The following KLF9 variants were observed in gnomAD, a reference collection of about 807,000 sequenced individuals.
KLF9 encodes the protein KLF transcription factor 9.
Under a neutral mutation model 17.3 loss-of-function variants are expected in KLF9, and 2 were observed. That is an observed-to-expected ratio of 0.12 (90% confidence interval 0.05 to 0.36). The LOEUF (loss-of-function observed/expected upper bound fraction) is 0.36, where lower values mean the gene tolerates loss of function less well. Ranked by LOEUF, KLF9 falls within the 10% of genes least tolerant of loss-of-function variation. The pLI, the probability that KLF9 is intolerant of heterozygous loss-of-function variation, is 1.00. For missense variants in KLF9, 226 were observed against 333.2 expected, an observed-to-expected ratio of 0.68 and a Z score of 2.51; for synonymous variants, 138 against 139.2, an observed-to-expected ratio of 0.99 and a Z score of 0.06.
At chr9:70,399,123 C>T (rs1342217954) in intron 1 of KLF9, among the ~76,000 whole-genome samples, 2 of 152,224 alleles carry the variant, frequency 1.3e-5, no homozygotes, top group East Asian at 1.9e-4. Context: ...CCGTGAGACA[C>T]TGCACCTGGC....
Position 70,412,995 on chromosome 9 carries a change from C to G in KLF9, c.369G>C (p.Pro123=), listed in dbSNP as rs779172193. 2.5e-6 allele frequency: 4 copies of G among 1,614,116 alleles called. No homozygotes were observed. The South Asian group carries it at 3.3e-5, about 13-fold the overall frequency. The change falls in exon 1 of 2, where the codon CCG becomes CCC. Residue 123 remains proline (P), a synonymous_variant. Transcript: ENST00000377126. ...CCACTCCAGGATGGAGGAGGGAGAG[C>G]GGGCTGGGCGCGCTGCCAGGATCCT... The part of the protein sequence containing the change: ...ERQDPGSAPS[P]LSLLHPGVAA...
Position 70,414,486 on chromosome 9 carries a change from A to G in KLF9, c.-1123T>C, listed in dbSNP as rs987971284. On this transcript the variant is annotated 5_prime_UTR_variant, in exon 1 of 2. Coordinates refer to ENST00000377126, the MANE Select transcript of KLF9 (RefSeq NM_001206.4). The stretch of plus-strand genomic sequence containing the variant: ...CCGAAAGCAAGCGCTCGACACTTGT[A>G]AACGCGAAGAGCTGTAGTGAAACTG... The G allele has an allele frequency of 2.0e-5, 3 of 152,252 alleles. No homozygotes were observed. The highest frequency in any genetic ancestry group is 3.2e-3 in the Middle Eastern group (1 of 316). The allele number at this position is 152,252 out of a possible 1,614,324, so 9.4% of individuals were successfully genotyped here. A position where few individuals can be genotyped will look rare whatever the true frequency, so the allele number is the denominator to read the frequency against.
chr9:70,395,579 G>A (rs190155939), intron 1 of KLF9, among the ~76,000 whole-genome samples: 135 of 152,254 alleles, frequency 8.9e-4, no homozygotes, highest in Middle Eastern at 6.8e-3. Flanking sequence ...ACACAGAAAG[G>A]ACTTGCAAAT....
intron 1 of KLF9, among the ~76,000 whole-genome samples, chr9:70,400,711 G>A (rs11795117): frequency 0.026 from 3,909 of 152,212 alleles, 94 homozygotes; most frequent in African/African-American, 0.065. Context: ...TTTTCCCTCT[G>A]GGCTCAACCT....
intron 1 of KLF9, among the ~76,000 whole-genome samples, chr9:70,397,348 G>A (rs564024372): frequency 1.3e-5 from 2 of 152,174 alleles, no homozygotes; most frequent in African/African-American, 2.4e-5. Context: ...GGTGGCACAT[G>A]CCTGTAATCC....
At chr9:70,409,949 C>A (rs986135356) in intron 1 of KLF9, among the ~76,000 whole-genome samples, 1 of 152,208 alleles carries the variant, frequency 6.6e-6, no homozygotes, top group Non-Finnish European at 1.5e-5. Context: ...CAGGACCCAG[C>A]ATTTCTCAAG....
chr9:70,394,092 G>A (rs1362002276), intron 1 of KLF9, among the ~76,000 whole-genome samples: 1 of 149,142 alleles, frequency 6.7e-6, no homozygotes, highest in Non-Finnish European at 1.5e-5. Context: ...ATAGATAAAA[G>A]AAGAATTTGG....
intron 1 of KLF9, among the ~76,000 whole-genome samples, chr9:70,403,530 A>G (rs2118920902): frequency 6.6e-6 from 1 of 152,248 alleles, no homozygotes; most frequent in South Asian, 2.1e-4. Context: ...TCTCACCACT[A>G]TTTGGAGACA....
chr9:70,399,345 C>A (rs1389697118), intron 1 of KLF9, among the ~76,000 whole-genome samples: 1 of 152,210 alleles, frequency 6.6e-6, no homozygotes, highest in Non-Finnish European at 1.5e-5. Context: ...GATGATGCAA[C>A]CTCCCCACAA....
chr9:70,409,067 TATGTGTATATATATACAC>T (rs1214669593), intron 1 of KLF9, among the ~76,000 whole-genome samples: 64 of 104,670 alleles, frequency 6.1e-4, no homozygotes, highest in Admixed American at 4.3e-3. Flanking sequence ...TGTGTATATA[TATGTGTATATATATACAC>T]ATATATGTAT....
intron 1 of KLF9, among the ~76,000 whole-genome samples, chr9:70,408,229 G>T (rs1240247346): frequency 1.3e-5 from 2 of 152,126 alleles, no homozygotes; most frequent in Non-Finnish European, 2.9e-5. Context: ...CAAAAAATTA[G>T]CCGAGTGTGG....
intron 1 of KLF9, among the ~76,000 whole-genome samples, chr9:70,389,606 G>A (rs1187518879): frequency 6.6e-6 from 1 of 152,164 alleles, no homozygotes; most frequent in Non-Finnish European, 1.5e-5. Flanking sequence ...AGTCCTGCCT[G>A]CCAGATGTTA....
At chr9:70,411,607 A>G (rs905918856) in intron 1 of KLF9, among the ~76,000 whole-genome samples, 2 of 152,226 alleles carry the variant, frequency 1.3e-5, no homozygotes, top group Non-Finnish European at 2.9e-5. Flanking sequence ...AATGAGAAGC[A>G]GTTACGTGGC....
At chr9:70,401,686 CAAAAAA>C (rs34988097) in intron 1 of KLF9, among the ~76,000 whole-genome samples, 2 of 66,510 alleles carry the variant, frequency 3.0e-5, no homozygotes, top group Non-Finnish European at 3.0e-5. Flanking sequence ...GACTCCTTCA[CAAAAAA>C]AAAAAAAAAA....
chr9:70,400,248 G>A (rs760103926), intron 1 of KLF9, among the ~76,000 whole-genome samples: 3 of 152,174 alleles, frequency 2.0e-5, no homozygotes, highest in Non-Finnish European at 4.4e-5. Context: ...ATCCACAGGA[G>A]GACTGGGTCA....
intron 1 of KLF9, among the ~76,000 whole-genome samples, chr9:70,390,264 A>C (rs1166594534): frequency 6.6e-6 from 1 of 152,142 alleles, no homozygotes; most frequent in East Asian, 1.9e-4. Flanking sequence ...ATAAACCCTT[A>C]TGGAGCTCTG....
rs1207772258 is a variant in KLF9 at position 70,414,556 on chromosome 9, T to C, written c.-1193A>G. ...TGTTGCTGGTAGTAAATTTGAGTTA[T>C]GGATGAGAGGACAGGGGTGATGAAT... is the stretch of plus-strand genomic sequence containing the variant. On this transcript the variant is annotated 5_prime_UTR_variant, in exon 1 of 2. Coordinates refer to ENST00000377126, the MANE Select transcript of KLF9 (RefSeq NM_001206.4). 6.6e-6 allele frequency: 1 copy of C among 152,194 alleles called. No individual in the cohort carries two copies. The highest frequency in any genetic ancestry group is 2.4e-5 in the African/African-American group (1 of 41,448). 9.4% of individuals were successfully genotyped at this position (152,194 alleles called of 1,614,324 possible).
intron 1 of KLF9, among the ~76,000 whole-genome samples, chr9:70,404,580 C>T (rs2037244245): frequency 6.6e-6 from 1 of 151,640 alleles, no homozygotes; most frequent in Non-Finnish European, 1.5e-5. Flanking sequence ...ACTCCAGCCT[C>T]GGTGACAGAG....
chr9:70,398,644 ACCATG>A (rs1350323179), intron 1 of KLF9, among the ~76,000 whole-genome samples: 1 of 151,972 alleles, frequency 6.6e-6, no homozygotes, highest in Non-Finnish European at 1.5e-5. Context: ...GGCACCTGCC[ACCATG>A]CCCAGCTAAT....
Sources: gnomAD v4.1 joint callset for allele counts (sites outside exome capture counted in the v4.1 genomes callset) on GRCh38, gnomAD v4.1.1 for gene constraint, MANE v1.5 for transcripts, NCBI Gene and HGNC (gene_info 2026-07-23, HGNC 2026-07-21) for gene names.